The following RABGAP1L variants were observed in gnomAD, a reference collection of about 807,000 sequenced individuals.
The protein encoded by RABGAP1L is rab GTPase-activating protein 1-like.
In RABGAP1L, 63 loss-of-function variants were observed where a neutral mutation model predicts 137.7. The ratio of observed to expected loss-of-function variants is 0.46; its 90% CI spans 0.37 to 0.56. The LOEUF is 0.56. Ranked by LOEUF, RABGAP1L falls within the 20% of genes least tolerant of loss-of-function variation. The pLI is 0.00. For synonymous variants in RABGAP1L, 431 were observed against 433.7 expected, an observed-to-expected ratio of 0.99 and a Z score of 0.08; for missense variants, 1,095 against 1,244.0, an observed-to-expected ratio of 0.88 and a Z score of 1.80.
intron 17 of RABGAP1L, among the ~76,000 whole-genome samples, chr1:174,750,820 T>A (rs965081809): frequency 2.6e-5 from 4 of 152,194 alleles, no homozygotes; most frequent in African/African-American, 9.6e-5. Context: ...GAGAATTCAC[T>A]GTTGCCTAGT....
intron 11 of RABGAP1L, among the ~76,000 whole-genome samples, chr1:174,355,305 C>T (rs1201111393): frequency 6.6e-6 from 1 of 151,834 alleles, no homozygotes; most frequent in Non-Finnish European, 1.5e-5. Context: ...GAGTTCATGT[C>T]CTTTGTAGGG....
chr1:174,733,751 A>G (rs1682703114), intron 17 of RABGAP1L, among the ~76,000 whole-genome samples: 1 of 152,216 alleles, frequency 6.6e-6, no homozygotes, highest in Non-Finnish European at 1.5e-5. Context: ...TTGGAAGAGA[A>G]ATGATAGGAT....
At chr1:174,410,486 A>G (rs926312491) in intron 13 of RABGAP1L, among the ~76,000 whole-genome samples, 2 of 152,234 alleles carry the variant, frequency 1.3e-5, no homozygotes, top group Admixed American at 6.5e-5. Context: ...TCTTTTCACC[A>G]TTTATTGAAT....
intron 13 of RABGAP1L, among the ~76,000 whole-genome samples, chr1:174,564,304 T>G (rs1667423690): frequency 6.6e-6 from 1 of 152,220 alleles, no homozygotes; most frequent in Non-Finnish European, 1.5e-5. Flanking sequence ...CTGTTAGATC[T>G]GTCACATATA....
chr1:174,933,575 T>A (rs1418295396), intron 19 of RABGAP1L, among the ~76,000 whole-genome samples: 1 of 152,150 alleles, frequency 6.6e-6, no homozygotes, highest in Non-Finnish European at 1.5e-5. Context: ...ACTCAGAACA[T>A]CAGCACCCCC....
chr1:174,385,347 A>G (rs1686670843), intron 12 of RABGAP1L, among the ~76,000 whole-genome samples: 1 of 152,216 alleles, frequency 6.6e-6, no homozygotes, highest in Non-Finnish European at 1.5e-5. Flanking sequence ...ACTCAAATAT[A>G]GAAGAGAGAT....
intron 12 of RABGAP1L, among the ~76,000 whole-genome samples, chr1:174,380,532 A>C (rs971482939): frequency 6.6e-6 from 1 of 151,952 alleles, no homozygotes; most frequent in African/African-American, 2.4e-5. Context: ...TGTATGTGTC[A>C]AGGAATATAT....
chr1:174,486,171 A>G (rs1659612915), intron 13 of RABGAP1L, among the ~76,000 whole-genome samples: 1 of 148,848 alleles, frequency 6.7e-6, no homozygotes, highest in Admixed American at 6.7e-5. Flanking sequence ...CTACAGCATC[A>G]GTTGTAATAT....
intron 13 of RABGAP1L, among the ~76,000 whole-genome samples, chr1:174,433,026 A>G (rs1652830252): frequency 1.3e-5 from 2 of 152,230 alleles, no homozygotes; most frequent in Admixed American, 1.3e-4. Flanking sequence ...ACTATCAGTG[A>G]GCTTTGAATG....
intron 13 of RABGAP1L, among the ~76,000 whole-genome samples, chr1:174,575,747 G>A (rs763468982): frequency 2.0e-5 from 3 of 152,112 alleles, no homozygotes; most frequent in Non-Finnish European, 2.9e-5. Context: ...GCAATGCAGC[G>A]GGGCTCTCTT....
At chr1:174,836,935 A>G (rs1414864052) in intron 19 of RABGAP1L, among the ~76,000 whole-genome samples, 2 of 152,190 alleles carry the variant, frequency 1.3e-5, no homozygotes, top group African/African-American at 4.8e-5. Flanking sequence ...GGCGGGGCGC[A>G]GTGGCTCATG....
chr1:174,789,847 A>G (rs776208833), intron 18 of RABGAP1L, among the ~76,000 whole-genome samples: 4 of 152,198 alleles, frequency 2.6e-5, no homozygotes, highest in Non-Finnish European at 5.9e-5. Context: ...GCCAATTAAC[A>G]TTTTTTGAAT....
rs139339415 is a variant in RABGAP1L at position 174,740,437 on chromosome 1, G to A, written c.2170-11876G>A. Among the ~76,000 whole-genome samples, 683 of 152,136 alleles carry A rather than the reference G, an allele frequency of 4.5e-3. 5 individuals are homozygous for A. Among genetic ancestry groups the A allele is most frequent in the African/African-American group, 0.016 (648 of 41,498 alleles). ...GAGGGATGAAAGTTTACTATGCATA[G>A]CATTTCCTGGTGTGTCAGTCTCGGT... On this transcript the variant is annotated intron_variant, in intron 17 of 25. Coordinates refer to ENST00000681986, the MANE Select transcript of RABGAP1L (RefSeq NM_001366446.1).
chr1:174,504,328 A>T (rs913640874), intron 13 of RABGAP1L, among the ~76,000 whole-genome samples: 1 of 152,132 alleles, frequency 6.6e-6, no homozygotes, highest in African/African-American at 2.4e-5. Context: ...AATAGAAAAA[A>T]TAACCCTAAA....
intron 13 of RABGAP1L, among the ~76,000 whole-genome samples, chr1:174,480,654 T>G (rs1376660510): frequency 1.3e-5 from 2 of 152,194 alleles, no homozygotes; most frequent in African/African-American, 2.4e-5. Context: ...GTATCAGAAA[T>G]AGATTTGAAG....
chr1:174,301,514 C>T (rs1472259796), intron 10 of RABGAP1L, among the ~76,000 whole-genome samples: 8 of 151,726 alleles, frequency 5.3e-5, no homozygotes, highest in Admixed American at 5.2e-4. Context: ...CACAATGTTA[C>T]AGCCTTCTGT....
intron 19 of RABGAP1L, among the ~76,000 whole-genome samples, chr1:174,927,187 G>A (rs1386649614): frequency 6.6e-6 from 1 of 152,092 alleles, no homozygotes; most frequent in Non-Finnish European, 1.5e-5. Context: ...TTTAGGTTCA[G>A]ATTGATCATT....
chr1:174,229,019 T>C (rs1389445083), intron 3 of RABGAP1L, among the ~76,000 whole-genome samples: 2 of 75,900 alleles, frequency 2.6e-5, no homozygotes, highest in Non-Finnish European at 2.9e-5. Flanking sequence ...AAATGAACAG[T>C]TTTTTTTTTT....
chr1:174,574,251 C>G (rs1668198162), intron 13 of RABGAP1L, among the ~76,000 whole-genome samples: 1 of 152,108 alleles, frequency 6.6e-6, no homozygotes, highest in African/African-American at 2.4e-5. Flanking sequence ...CCACACATTT[C>G]CTGATATATA....
Sources: gnomAD v4.1 joint callset for allele counts (sites outside exome capture counted in the v4.1 genomes callset) on GRCh38, gnomAD v4.1.1 for gene constraint, MANE v1.5 for transcripts, NCBI Gene and HGNC (gene_info 2026-07-23, HGNC 2026-07-21) for gene names.